HDAC9: variants seen among roughly 807,000 people sequenced by gnomAD.
HDAC9 encodes MEF-2 interacting transcription repressor (MITR) protein.
A neutral mutation model predicts 139.4 loss-of-function variants in HDAC9; 41 were observed. That is an observed-to-expected ratio of 0.29 (90% confidence interval 0.23 to 0.38). The LOEUF is 0.38. HDAC9 is among the 10% of genes least tolerant of loss of function. The probability of loss-of-function intolerance (pLI) is 1.00; values close to 1 mark genes in which losing one functional copy is unlikely to be tolerated. For synonymous variants in HDAC9, 517 were observed against 476.2 expected (o/e 1.09, Z -1.12); for missense variants, 1,147 against 1,297.0 (o/e 0.88, Z 1.78).
chr7:18,372,931 A>G (rs1043978489), intron 1 of HDAC9, among the ~76,000 whole-genome samples: 7 of 152,214 alleles, frequency 4.6e-5, no homozygotes, highest in Non-Finnish European at 1.0e-4. Context: ...TGGAAATTGC[A>G]TGTTTAGTCA....
intron 1 of HDAC9, among the ~76,000 whole-genome samples, chr7:18,379,649 C>T (rs1335025643): frequency 6.6e-6 from 1 of 152,182 alleles, no homozygotes; most frequent in East Asian, 1.9e-4. Flanking sequence ...CAATCCTTTT[C>T]TGTCTTAGTT....
chr7:18,286,468 A>C (rs112380579), upstream of HDAC9, among the ~76,000 whole-genome samples: 2,516 of 150,034 alleles, frequency 0.017, 73 homozygotes, highest in African/African-American at 0.058. Context: ...TGGTCTTATT[A>C]TGTATGATAT....
chr7:18,390,588 T>C lies in HDAC9; in HGVS notation c.-42+100073T>C, dbSNP rs540068791. 1.5e-4 allele frequency among the ~76,000 whole-genome samples: 23 copies of C among 152,286 alleles called. No individual in the cohort carries two copies. The South Asian group carries it at 4.1e-3, about 27-fold the overall frequency. ...TATTCTGTGTCCGGCTTTTTCCTGC[T>C]CATAAAACCTTAAATTACTGTACGT... On this transcript the variant is annotated intron_variant, in intron 1 of 3. Transcript: ENST00000413509.
At chr7:18,464,242 G>A (rs1369997386) in intron 1 of HDAC9, among the ~76,000 whole-genome samples, 1 of 151,740 alleles carries the variant, frequency 6.6e-6, no homozygotes, top group Non-Finnish European at 1.5e-5. Context: ...CTTTTAAGCA[G>A]CATGTTTTAG....
chr7:18,525,300 CT>C (rs1177904906), intron 2 of HDAC9, among the ~76,000 whole-genome samples: 17 of 151,750 alleles, frequency 1.1e-4, no homozygotes, highest in African/African-American at 4.1e-4. Flanking sequence ...AAAATAGTAA[CT>C]GATGAAAAAA....
chr7:18,740,521 A>C (rs1787354538), intron 13 of HDAC9, among the ~76,000 whole-genome samples: 1 of 152,222 alleles, frequency 6.6e-6, no homozygotes, highest in African/African-American at 2.4e-5. Flanking sequence ...TGACTGCTCC[A>C]CTAAGCGGGC....
intron 1 of HDAC9, among the ~76,000 whole-genome samples, chr7:18,414,211 ATTT>A (rs201954232): frequency 2.6e-5 from 4 of 151,546 alleles, no homozygotes; most frequent in Non-Finnish European, 5.9e-5. Flanking sequence ...GAACTTTCAG[ATTT>A]TTTTTTCATT....
intron 13 of HDAC9, among the ~76,000 whole-genome samples, chr7:18,732,816 CGTGTGT>C (rs1426205543): frequency 4.7e-5 from 4 of 85,970 alleles, no homozygotes; most frequent in African/African-American, 1.3e-4. Context: ...TGTACACACA[CGTGTGT>C]ATGTGTGCGT....
At position 18,160,830 on chromosome 7, in the gene HDAC9, C is replaced by A. The variant is rs1424704396; in HGVS notation, c.-96-1399C>A. Among the ~76,000 whole-genome samples, 6 of 152,080 alleles carry A rather than the reference C, an allele frequency of 3.9e-5. No homozygotes were observed. The East Asian group carries it at 1.2e-3, about 29-fold the overall frequency. ...ATGGGGTTTCACAATCTTGGCCAGG[C>A]TGGTCTCAAACTCCTGACCTCAAGT... On this transcript the variant is annotated intron_variant, in intron 1 of 12. Transcript: ENST00000417496.
chr7:18,131,165 C>A (rs1784974834), intron 1 of HDAC9, among the ~76,000 whole-genome samples: 1 of 152,084 alleles, frequency 6.6e-6, no homozygotes, highest in Admixed American at 6.6e-5. Flanking sequence ...AGAACTTCGT[C>A]AGCATACATT....
At chr7:18,434,548 GC>G (rs1790994622) in intron 1 of HDAC9, among the ~76,000 whole-genome samples, 1 of 151,830 alleles carries the variant, frequency 6.6e-6, no homozygotes, top group African/African-American at 2.4e-5. Flanking sequence ...AAATTAACAG[GC>G]AAAAAACAAC....
chr7:18,654,690 TCA>T (rs1790501915), intron 11 of HDAC9, among the ~76,000 whole-genome samples: 1 of 152,036 alleles, frequency 6.6e-6, no homozygotes, highest in African/African-American at 2.4e-5. Flanking sequence ...AGTAGAAAAT[TCA>T]CAGTTAAAAA....
chr7:18,402,760 T>C (rs994397666), intron 1 of HDAC9, among the ~76,000 whole-genome samples: 3 of 152,200 alleles, frequency 2.0e-5, no homozygotes, highest in Non-Finnish European at 4.4e-5. Context: ...GTAAAACAGT[T>C]GAATGAAAGG....
chr7:18,780,839 G>A (rs1202165080), intron 16 of HDAC9, among the ~76,000 whole-genome samples: 1 of 151,994 alleles, frequency 6.6e-6, no homozygotes, highest in African/African-American at 2.4e-5. Flanking sequence ...CCTATGCCTA[G>A]GACACTTGCA....
chr7:18,600,583 T>A (rs1444484849), intron 6 of HDAC9, among the ~76,000 whole-genome samples: 1 of 152,184 alleles, frequency 6.6e-6, no homozygotes, highest in Non-Finnish European at 1.5e-5. Context: ...TTGTCAAAGA[T>A]ATATTTGTGT....
intron 2 of HDAC9, among the ~76,000 whole-genome samples, chr7:18,222,682 T>C (rs1438350368): frequency 6.6e-6 from 1 of 152,140 alleles, no homozygotes; most frequent in Non-Finnish European, 1.5e-5. Context: ...TTTAAAACAT[T>C]TTAAATGGGA....
chr7:18,907,010 A>G (rs532655237), intron 22 of HDAC9: 1 of 152,212 alleles, frequency 6.6e-6, no homozygotes, highest in East Asian at 1.9e-4. Flanking sequence ...TGGAAGGAAG[A>G]TCTCTCTTTT....
At chr7:18,990,156 TG>T (rs1785757773) in intron 25 of HDAC9, among the ~76,000 whole-genome samples, 1 of 152,202 alleles carries the variant, frequency 6.6e-6, no homozygotes, top group Admixed American at 6.5e-5. Context: ...CCAGTTTTTC[TG>T]CTCTGTTTTT....
At chr7:18,671,804 A>G (rs1027220951) in intron 12 of HDAC9, among the ~76,000 whole-genome samples, 2 of 152,012 alleles carry the variant, frequency 1.3e-5, no homozygotes, top group Non-Finnish European at 2.9e-5. Context: ...GATATTTCAT[A>G]TAAATGAAGT....
Sources: allele counts gnomAD v4.1 joint callset (sites outside exome capture counted in the v4.1 genomes callset), GRCh38; gene constraint gnomAD v4.1.1; transcripts MANE v1.5; gene names NCBI Gene and HGNC (gene_info 2026-07-23, HGNC 2026-07-21).